NIPAL3: variants seen among roughly 807,000 people sequenced by gnomAD.
NIPAL3 encodes the protein NIPA-like protein 3.
In NIPAL3, 41 loss-of-function variants were observed where a neutral mutation model predicts 47.2. That is an observed-to-expected ratio of 0.87 (90% CI 0.68 to 1.13). NIPAL3 has a LOEUF of 1.13. Ranked by LOEUF, NIPAL3 falls within the 50% of genes most tolerant of loss-of-function variation. NIPAL3 has a pLI of 0.00. For missense variants in NIPAL3, 449 were observed against 530.1 expected (o/e 0.85, Z 1.50); for synonymous variants, 194 against 209.6 (o/e 0.93, Z 0.64).
In NIPAL3 at chr1:24,469,101, C is replaced by T; in HGVS notation, c.1137C>T (p.Thr379=). 1 of 1,614,090 alleles carries T rather than the reference C, an allele frequency of 6.2e-7. No individual in the cohort carries two copies. The highest frequency in any genetic ancestry group is 2.2e-5 in the East Asian group (1 of 44,872). ...TTTCTGAGATCTACGCTCCTGCCAC[C>T]CTGCCAGTCATGCAAGAAGAGCACG... ...DNISEIYAPA[T]LPVMQEEHGS... is the part of the protein sequence containing the mutation. Residue 379 remains threonine (T), a synonymous_variant, in exon 12 of 12, where the codon ACC becomes ACT. Coordinates refer to ENST00000374399, the MANE Select transcript of NIPAL3 (RefSeq NM_020448.5).
intron 2 of NIPAL3, 39 bp downstream of exon 2, chr1:24,419,679 T>A (rs1644230512): frequency 6.3e-7 from 1 of 1,579,508 alleles, no homozygotes; most frequent in Non-Finnish European, 8.7e-7. Context: ...TGTATTTTCC[T>A]AGCAAGGAAG....
rs72652565 is a variant in NIPAL3, at chr1:24,438,211, G to A, written c.94-1961G>A. On this transcript the variant is annotated intron_variant, in intron 2 of 11. Coordinates refer to ENST00000374399, the MANE Select transcript of NIPAL3 (RefSeq NM_020448.5). ...GATCCTGTCATCCCACAGGAAGGAC[G>A]TGTTCTGCCTGCAGGTGGCTTTATT... Among the ~76,000 whole-genome samples, 671 of 152,328 alleles carry A rather than the reference G, an allele frequency of 4.4e-3. 4 individuals carry two copies. The highest frequency in any genetic ancestry group is 0.016 in the South Asian group (77 of 4,826).
At chr1:24,415,778 A>C (rs911250809), upstream of NIPAL3, 61 of 945,354 alleles carry the variant, frequency 6.5e-5, no homozygotes, top group Admixed American at 1.2e-4. Flanking sequence ...TGAAAGCAAA[A>C]CACTGCAGCA....
intron 2 of NIPAL3, among the ~76,000 whole-genome samples, chr1:24,424,378 C>G (rs1005301965): frequency 2.6e-5 from 4 of 152,172 alleles, no homozygotes; most frequent in African/African-American, 9.6e-5. Context: ...TGAAAAAGCA[C>G]CTAACACAGT....
rs1477293011 is a variant in NIPAL3 at position 24,454,139 on chromosome 1, G to A, written c.637+635G>A. The A allele has an allele frequency of 8.1e-7, 1 of 1,239,256 alleles. No individual in the cohort carries two copies. Among genetic ancestry groups the A allele is most frequent in the South Asian group, 1.4e-5 (1 of 73,560 alleles). 76.8% of individuals were successfully genotyped at this position (1,239,256 alleles called of 1,614,324 possible). On this transcript the variant is annotated intron_variant, in intron 7 of 11. Transcript: ENST00000374399. The surrounding 1 kb of genome is among the most constrained non-coding windows in gnomAD (Gnocchi z 4.1). The stretch of plus-strand genomic sequence containing the variant: ...CCTCCTGGCCTCAAGTGATCCCCCT[G>A]CCTCGGCCTCCCAAAGTGCCAGGAT...
At chr1:24,424,030 G>A (rs570038701) in intron 2 of NIPAL3, among the ~76,000 whole-genome samples, 105 of 152,310 alleles carry the variant, frequency 6.9e-4, no homozygotes, top group Non-Finnish European at 1.1e-3. Flanking sequence ...AAAACTCAGA[G>A]CACTCTCCCT....
chr1:24,449,115 A>G lies in NIPAL3; in HGVS notation c.395-366A>G, dbSNP rs1645809609. Among the ~76,000 whole-genome samples, 1 of 152,236 alleles carries G rather than the reference A, an allele frequency of 6.6e-6. No individual in the cohort carries two copies. The highest frequency in any genetic ancestry group is 2.1e-4 in the South Asian group (1 of 4,834). On this transcript the variant is annotated intron_variant, in intron 5 of 11. Transcript: ENST00000374399. This position sits in a 1 kb window ranked among gnomAD's most constrained non-coding sequence, Gnocchi z 4.5. Reference sequence around the variant, plus strand: ...CATCAGTGCTGTTACAGGTCAAGATAGTGTAACCCTGAGGGTGGGGTCTAG... The same window carrying G: ...CATCAGTGCTGTTACAGGTCAAGATGGTGTAACCCTGAGGGTGGGGTCTAG...
Position 24,451,696 on chromosome 1 carries a change from CCT to C in NIPAL3, c.541-1711_541-1710del, listed in dbSNP as rs940925393. Reference sequence around the variant, plus strand: ...TCCAGCCTGAGTGACACAGTGAGACCCTGTCTCAAAAAAAGAAAAAGAAAAAA... The same window carrying C: ...TCCAGCCTGAGTGACACAGTGAGACCGTCTCAAAAAAAGAAAAAGAAAAAA... On this transcript the variant is annotated intron_variant, in intron 6 of 11. Transcript: ENST00000374399. The surrounding 1 kb of genome is among the most constrained non-coding windows in gnomAD (Gnocchi z 4.5). Among the ~76,000 whole-genome samples the C allele has an allele frequency of 6.6e-6, 1 of 151,492 alleles. No individual in the cohort carries two copies. Among genetic ancestry groups the C allele is most frequent in the African/African-American group, 2.4e-5 (1 of 41,194 alleles).
At chr1:24,453,272 T>C in intron 6 of NIPAL3, 136 bp from the exon 7 acceptor site, 1 of 639,518 alleles carries the variant, frequency 1.6e-6, no homozygotes, top group South Asian at 1.8e-5. Context: ...TAACAGTAGT[T>C]TGGGAAATGC....
chr1:24,437,142 C>T (rs1241447941), intron 2 of NIPAL3, among the ~76,000 whole-genome samples: 1 of 152,012 alleles, frequency 6.6e-6, no homozygotes, highest in Non-Finnish European at 1.5e-5. Flanking sequence ...GTCCCAGCTA[C>T]TTGGGAGGCT....
chr1:24,435,744 T>C (rs878969342), intron 2 of NIPAL3, among the ~76,000 whole-genome samples: 1 of 152,166 alleles, frequency 6.6e-6, no homozygotes, highest in Admixed American at 6.5e-5. Flanking sequence ...GTTGACACCA[T>C]GGGGAGGAGG....
At chr1:24,448,526 G>A (rs1260976476) in intron 5 of NIPAL3, among the ~76,000 whole-genome samples, 1 of 152,126 alleles carries the variant, frequency 6.6e-6, no homozygotes, top group Non-Finnish European at 1.5e-5. Flanking sequence ...GAGCTCTGAA[G>A]GTTTGCCTTT....
In NIPAL3 at chr1:24,454,555, G is replaced by A. The variant is rs1457932300; in HGVS notation, c.637+1051G>A. ...ACAGGGTTTCCTTAATTTTTTAACA[G>A]CTCTGTTGAGATATAATTTACATAC... On this transcript the variant is annotated intron_variant, in intron 7 of 11. Transcript: ENST00000374399. This position sits in a 1 kb window ranked among gnomAD's most constrained non-coding sequence, Gnocchi z 4.1. 1 of 987,812 alleles carries A rather than the reference G, an allele frequency of 1.0e-6. No individual in the cohort carries two copies. The highest frequency in any genetic ancestry group is 1.2e-6 in the Non-Finnish European group (1 of 831,334). 61.2% of individuals were successfully genotyped at this position (987,812 alleles called of 1,614,324 possible). A position where few individuals can be genotyped will look rare whatever the true frequency, so the allele number is the denominator to read the frequency against.
At chr1:24,441,705 A>G (rs1645393433) in intron 3 of NIPAL3, among the ~76,000 whole-genome samples, 3 of 152,148 alleles carry the variant, frequency 2.0e-5, no homozygotes, top group Non-Finnish European at 2.9e-5. Flanking sequence ...TCTTTAGACT[A>G]TGGCTCCCAC....
Position 24,449,582 on chromosome 1 carries a change from A to G in NIPAL3, c.496A>G (p.Asn166Asp). 6.2e-7 allele frequency: 1 copy of G among 1,614,066 alleles called. No individual in the cohort carries two copies. ...PNSHEKMTGENVTRHLVSWPF... is the reference protein window; with the variant it reads ...PNSHEKMTGEDVTRHLVSWPF... ...CAGTCACGAGAAGATGACAGGCGAG[A>G]ATGTCACCAGGCACCTCGTGAGCTG... Residue 166 changes from asparagine to aspartate, a missense_variant, in exon 6 of 12, where the codon AAT (asparagine) becomes GAT (aspartate). Coordinates refer to ENST00000374399, the MANE Select transcript of NIPAL3 (RefSeq NM_020448.5). The surrounding 1 kb of genome is among the most constrained non-coding windows in gnomAD (Gnocchi z 4.5).
Position 24,440,220 on chromosome 1 carries a change from A to G in NIPAL3, c.142A>G (p.Ser48Gly). The G allele has an allele frequency of 3.8e-6, 6 of 1,595,534 alleles. No homozygotes were observed. Among genetic ancestry groups the G allele is most frequent in the Non-Finnish European group, 4.3e-6 (5 of 1,171,868 alleles). ...GGCGATCTTCGGGCACCTCGTGGTC[A>G]GCATTGCACTTAACCTCCAGGTAAG... ...LLAIFGHLVV[S>G]IALNLQKYCH... is the part of the protein sequence containing the mutation. The change falls in exon 3 of 12, where the codon AGC becomes GGC. Residue 48 changes from serine (S) to glycine (G), a missense_variant. Physicochemically the swap from Ser to Gly is moderately conservative, Grantham distance 56. Coordinates refer to ENST00000374399, the MANE Select transcript of NIPAL3 (RefSeq NM_020448.5).
intron 8 of NIPAL3, among the ~76,000 whole-genome samples, chr1:24,457,438 C>T (rs554538057): frequency 6.6e-6 from 1 of 152,276 alleles, no homozygotes; most frequent in East Asian, 1.9e-4. Context: ...GCTGATTCAA[C>T]CTGGGAAGCT....
intron 2 of NIPAL3, among the ~76,000 whole-genome samples, chr1:24,431,517 A>C (rs1353960165): frequency 6.6e-6 from 1 of 152,168 alleles, no homozygotes; most frequent in African/African-American, 2.4e-5. Context: ...CCTGATTTCT[A>C]TCTTTTTAAA....
chr1:24,446,606 T>A (rs1645680895), intron 5 of NIPAL3, among the ~76,000 whole-genome samples: 2 of 152,218 alleles, frequency 1.3e-5, no homozygotes, highest in African/African-American at 4.8e-5. Context: ...GGATATGATA[T>A]CATTTTTTTT....
Sources: gnomAD v4.1 joint callset for allele counts (sites outside exome capture counted in the v4.1 genomes callset) on GRCh38, gnomAD v4.1.1 for gene constraint, Gnocchi (gnomAD v3.1) non-coding constraint, MANE v1.5 for transcripts, NCBI Gene and HGNC (gene_info 2026-07-23, HGNC 2026-07-21) for gene names.